Variants in TLK1 observed in about 807,000 individuals in gnomAD.
The protein encoded by TLK1 is serine/threonine-protein kinase tousled-like 1.
A neutral mutation model predicts 105.3 loss-of-function variants in TLK1; 24 were observed. The ratio of observed to expected loss-of-function variants is 0.23; its 90% CI spans 0.17 to 0.32. TLK1 has a LOEUF of 0.32. Among genes scored for constraint, TLK1 ranks in the 10% least tolerant of loss-of-function variants. TLK1 has a pLI of 1.00. For synonymous variants in TLK1, 321 were observed against 310.4 expected, an observed-to-expected ratio of 1.03 and a Z score of -0.36; for missense variants, 558 against 910.5, an observed-to-expected ratio of 0.61 and a Z score of 4.98.
At chr2:171,069,309 G>A (rs1044418664) in intron 3 of TLK1, among the ~76,000 whole-genome samples, 6 of 152,204 alleles carry the variant, frequency 3.9e-5, no homozygotes, top group African/African-American at 1.2e-4. Context: ...TGTGACTATG[G>A]ACAAATTATT....
intron 1 of TLK1, among the ~76,000 whole-genome samples, chr2:171,215,868 C>T (rs1388069346): frequency 2.0e-5 from 3 of 152,100 alleles, no homozygotes; most frequent in South Asian, 2.1e-4. Flanking sequence ...TAACAATATG[C>T]GCACCACCAC....
intron 13 of TLK1, among the ~76,000 whole-genome samples, chr2:171,013,454 T>C (rs1685027890): frequency 6.7e-6 from 1 of 149,834 alleles, no homozygotes; most frequent in Non-Finnish European, 1.5e-5. Flanking sequence ...TACAGGTGCA[T>C]GCCACCATTC....
At chr2:171,095,075 G>C (rs891781011) in intron 2 of TLK1, among the ~76,000 whole-genome samples, 39 of 152,078 alleles carry the variant, frequency 2.6e-4, no homozygotes, top group African/African-American at 8.0e-4. Context: ...AAAAAACTTT[G>C]AGATGAATGA....
intron 1 of TLK1, among the ~76,000 whole-genome samples, chr2:171,177,339 T>TG (rs1692849112): frequency 6.6e-6 from 1 of 151,898 alleles, no homozygotes; most frequent in Non-Finnish European, 1.5e-5. Context: ...ATGGTTTTTT[T>TG]GCCACATTGG....
At chr2:171,107,272 A>C (rs1689969197) in intron 2 of TLK1, among the ~76,000 whole-genome samples, 1 of 152,216 alleles carries the variant, frequency 6.6e-6, no homozygotes, top group Non-Finnish European at 1.5e-5. Context: ...GATCTTGCTT[A>C]TTATGGTGGT....
chr2:171,188,075 A>ACACATGAG (rs1450951562), intron 1 of TLK1, among the ~76,000 whole-genome samples: 1 of 152,232 alleles, frequency 6.6e-6, no homozygotes, highest in Non-Finnish European at 1.5e-5. Context: ...ATTGTAAGGA[A>ACACATGAG]CACATGAGCA....
chr2:171,044,871 T>C (rs1249417790), intron 11 of TLK1, among the ~76,000 whole-genome samples: 3 of 152,152 alleles, frequency 2.0e-5, no homozygotes, highest in Admixed American at 6.5e-5. Flanking sequence ...ACCCAAATGT[T>C]ACAGCATTTA....
In TLK1 at chr2:171,213,917, A is replaced by G. The variant is rs113043125; in HGVS notation, c.-6+17228T>C. Among the ~76,000 whole-genome samples the G allele has an allele frequency of 4.6e-5, 7 of 150,780 alleles. 1 individual carries two copies. Among genetic ancestry groups the G allele is most frequent in the African/African-American group, 1.5e-4 (6 of 41,156 alleles). ...AAAAAAAATTTTTTTTTTAGAGAAG[A>G]GGTCTTGTTATGTTGACCAGGCTGG... On this transcript the variant is annotated intron_variant, in intron 1 of 20. Transcript: ENST00000521943.
Position 171,056,463 on chromosome 2 carries a change from T to C in TLK1, c.549+8A>G, listed in dbSNP as rs775276810. On this transcript the variant is annotated splice_region_variant and intron_variant, in intron 6 of 20. Transcript: ENST00000431350. ...GACTACACATGAAAAACTTGAAAGA[T>C]GACTTACAGATGAGGAAGGAGTGGA... 14 of 1,610,016 alleles carry C rather than the reference T, an allele frequency of 8.7e-6. No homozygotes were observed. Among genetic ancestry groups the C allele is most frequent in the Middle Eastern group, 2.1e-4 (1 of 4,700 alleles).
chr2:171,073,510 AT>A (rs991939880), intron 3 of TLK1, among the ~76,000 whole-genome samples: 2 of 152,154 alleles, frequency 1.3e-5, no homozygotes, highest in Non-Finnish European at 2.9e-5. Flanking sequence ...AAGAATTCTG[AT>A]ATACATATTC....
At chr2:171,122,200 G>A (rs907311160) in intron 1 of TLK1, among the ~76,000 whole-genome samples, 4 of 152,138 alleles carry the variant, frequency 2.6e-5, no homozygotes, top group African/African-American at 9.7e-5. Context: ...TCTTGACCTC[G>A]TGAATTACAC....
At chr2:171,175,191 C>T (rs1036991774) in intron 1 of TLK1, among the ~76,000 whole-genome samples, 7 of 152,066 alleles carry the variant, frequency 4.6e-5, no homozygotes, top group Non-Finnish European at 7.4e-5. Flanking sequence ...TATGATTGTG[C>T]CACTGCACTC....
intron 1 of TLK1, among the ~76,000 whole-genome samples, chr2:171,191,408 C>G (rs61390428): frequency 6.6e-6 from 1 of 151,440 alleles, no homozygotes; most frequent in Non-Finnish European, 1.5e-5. Context: ...CCACCCCCCC[C>G]TCTAAAAAAA....
chr2:171,082,071 T>C (rs1210703553), intron 3 of TLK1, among the ~76,000 whole-genome samples: 1 of 150,860 alleles, frequency 6.6e-6, no homozygotes, highest in Non-Finnish European at 1.5e-5. Flanking sequence ...GACAGACCTG[T>C]TATCATCCAA....
intron 2 of TLK1, among the ~76,000 whole-genome samples, chr2:171,100,700 T>A (rs1558941807): frequency 6.6e-6 from 1 of 152,184 alleles, no homozygotes. Context: ...GTGGAGAAAG[T>A]GGAACTCTCA....
intron 1 of TLK1, among the ~76,000 whole-genome samples, chr2:171,208,622 G>A (rs1255963979): frequency 2.0e-5 from 3 of 152,150 alleles, no homozygotes; most frequent in Non-Finnish European, 4.4e-5. Flanking sequence ...ATTAAAATGA[G>A]CAAAGGTGTA....
chr2:171,165,334 G>A (rs1245657216), upstream of TLK1, among the ~76,000 whole-genome samples: 1 of 152,196 alleles, frequency 6.6e-6, no homozygotes. Context: ...GACGATCAAT[G>A]AGCTGGGTTT....
chr2:171,210,049 A>C lies in TLK1; in HGVS notation c.-6+21096T>G, dbSNP rs76898491. Reference sequence around the variant, plus strand: ...TAGCTAATCAGGTAAATCAAAATACAGTGTCATGTCTTCATTTATGTTTAT... The same window carrying C: ...TAGCTAATCAGGTAAATCAAAATACCGTGTCATGTCTTCATTTATGTTTAT... On this transcript the variant is annotated intron_variant, in intron 1 of 20. Transcript: ENST00000521943. 1.2e-4 allele frequency among the ~76,000 whole-genome samples: 19 copies of C among 152,280 alleles called. No homozygotes were observed. The East Asian group carries it at 3.7e-3, about 29-fold the overall frequency.
intron 13 of TLK1, 81 bp downstream of exon 13, chr2:171,014,770 A>G (rs755357632): frequency 1.6e-5 from 17 of 1,063,066 alleles, no homozygotes; most frequent in Non-Finnish European, 2.0e-5. Flanking sequence ...CAACCCAAGA[A>G]GGAAATATTG....
Sources: gnomAD v4.1 joint callset for allele counts (sites outside exome capture counted in the v4.1 genomes callset) on GRCh38, gnomAD v4.1.1 for gene constraint, MANE v1.5 for transcripts, NCBI Gene and HGNC (gene_info 2026-07-23, HGNC 2026-07-21) for gene names.